INPP4B: variants seen among roughly 807,000 people sequenced by gnomAD.
INPP4B encodes the protein inositol polyphosphate 4-phosphatase type II.
INPP4B carries 55 observed loss-of-function variants against 122.5 expected under a neutral mutation model. The ratio of observed to expected loss-of-function variants is 0.45; its 90% confidence interval spans 0.36 to 0.56. The LOEUF is 0.56. Among genes scored for constraint, INPP4B ranks in the 20% least tolerant of loss-of-function variants. The pLI is 0.00. For missense variants in INPP4B, 1,000 were observed against 1,097.7 expected, an observed-to-expected ratio of 0.91 and a Z score of 1.26; for synonymous variants, 403 against 388.7, an observed-to-expected ratio of 1.04 and a Z score of -0.43.
chr4:142,127,767 C>T (rs1340993776), intron 18 of INPP4B, among the ~76,000 whole-genome samples: 1 of 152,064 alleles, frequency 6.6e-6, no homozygotes, highest in Non-Finnish European at 1.5e-5. Flanking sequence ...AGTGAAAAAG[C>T]TAAAAATACA....
intron 16 of INPP4B, 27 bp downstream of exon 16, chr4:142,173,605 C>A (rs779587924): frequency 8.2e-6 from 13 of 1,592,102 alleles, no homozygotes; most frequent in Non-Finnish European, 1.0e-5. Flanking sequence ...TTCATTTTCC[C>A]AACTATAGTG....
rs115758557 is a variant in INPP4B at position 142,238,463 on chromosome 4, T to C, written c.689-452A>G. ...TTTCTGAATTTCTTCTGATCACTTT[T>C]AGTCAACTTTACCTATTTACATAGC... On this transcript the variant is annotated intron_variant, in intron 11 of 25. Transcript: ENST00000262992. 5.1e-3 allele frequency among the ~76,000 whole-genome samples: 784 copies of C among 152,252 alleles called. 12 individuals carry two copies. Among genetic ancestry groups the C allele is most frequent in the African/African-American group, 0.018 (746 of 41,570 alleles).
At chr4:142,660,453 T>C (rs1296521464) in intron 2 of INPP4B, among the ~76,000 whole-genome samples, 2 of 152,050 alleles carry the variant, frequency 1.3e-5, no homozygotes, top group African/African-American at 4.8e-5. Context: ...TTCTTTTTAT[T>C]CCTTTCTCCT....
At chr4:142,641,843 A>G (rs55785946) in intron 2 of INPP4B, among the ~76,000 whole-genome samples, 4,286 of 152,298 alleles carry the variant, frequency 0.028, 75 homozygotes, top group Non-Finnish European at 0.041. Context: ...GAATCACCAC[A>G]CTGACTTCCA....
intron 2 of INPP4B, among the ~76,000 whole-genome samples, chr4:142,642,645 G>A (rs1187120087): frequency 6.6e-6 from 1 of 152,194 alleles, no homozygotes; most frequent in African/African-American, 2.4e-5. Context: ...TTTGGTACCA[G>A]TACCATGCTG....
chr4:142,290,103 C>T (rs113118865), intron 9 of INPP4B, among the ~76,000 whole-genome samples: 11 of 150,894 alleles, frequency 7.3e-5, no homozygotes, highest in African/African-American at 2.2e-4. Context: ...TGGCTCCAAG[C>T]TTTACTCAGA....
chr4:142,312,540 T>A (rs185139235), intron 8 of INPP4B, among the ~76,000 whole-genome samples: 5 of 152,246 alleles, frequency 3.3e-5, no homozygotes, highest in Non-Finnish European at 1.5e-5. Context: ...CTGGCACTCA[T>A]AGAAAGGATC....
intron 2 of INPP4B, among the ~76,000 whole-genome samples, chr4:142,602,027 G>A (rs1740116202): frequency 6.9e-6 from 1 of 145,924 alleles, no homozygotes; most frequent in East Asian, 2.0e-4. Context: ...GATCGGAGAA[G>A]AACTAAATAA....
intron 7 of INPP4B, among the ~76,000 whole-genome samples, chr4:142,343,916 C>A (rs1273618618): frequency 1.3e-5 from 2 of 151,956 alleles, no homozygotes; most frequent in African/African-American, 2.4e-5. Flanking sequence ...AAATTCAACA[C>A]AAAATTAGCA....
chr4:142,251,186 C>A (rs965042418), intron 11 of INPP4B, among the ~76,000 whole-genome samples: 2 of 152,084 alleles, frequency 1.3e-5, no homozygotes, highest in African/African-American at 4.8e-5. Context: ...AACCAATAAG[C>A]ATGACAAAAT....
intron 1 of INPP4B, among the ~76,000 whole-genome samples, chr4:142,815,149 T>A (rs1366683072): frequency 6.6e-6 from 1 of 152,106 alleles, no homozygotes; most frequent in Non-Finnish European, 1.5e-5. Context: ...TAGAGGGGTG[T>A]CCTACAAGAT....
chr4:142,700,283 T>C (rs1462991550), intron 2 of INPP4B, among the ~76,000 whole-genome samples: 1 of 152,192 alleles, frequency 6.6e-6, no homozygotes, highest in African/African-American at 2.4e-5. Context: ...TAATAAACTT[T>C]TTATTATTTA....
At chr4:142,122,346 A>C in intron 20 of INPP4B, 101 bp from the exon 21 acceptor site, 1 of 878,318 alleles carries the variant, frequency 1.1e-6, no homozygotes. Context: ...ATTTTATTGA[A>C]TGAGTTTCTG....
In INPP4B at chr4:142,097,225, T is replaced by TGTTATTTTATTTTATTTTA. The variant is rs1553969027; in HGVS notation, c.2374+10867_2374+10868insTAAAATAAAATAAAATAAC. Among the ~76,000 whole-genome samples the TGTTATTTTATTTTATTTTA allele has an allele frequency of 1.1e-3, 146 of 135,538 alleles. 1 individual carries two copies. The highest frequency in any genetic ancestry group is 3.6e-3 in the African/African-American group (128 of 35,276). The allele number at this position is 135,538 out of a possible 152,430, so 88.9% of individuals were successfully genotyped here. ...TCCATTTTTTGTTTATTTTATGTTA[T>TGTTATTTTATTTTATTTTA]TTTTATTTTATTTTATTTTATTTTA... On this transcript the variant is annotated intron_variant, in intron 23 of 25. Coordinates refer to ENST00000262992, the MANE Select transcript of INPP4B (RefSeq NM_001101669.3).
chr4:142,690,251 G>A (rs932195554), intron 2 of INPP4B, among the ~76,000 whole-genome samples: 2 of 152,158 alleles, frequency 1.3e-5, no homozygotes, highest in Non-Finnish European at 2.9e-5. Flanking sequence ...CCAACAAGGT[G>A]CTGTGCAGGT....
chr4:142,357,490 A>G (rs1478990814), intron 7 of INPP4B, among the ~76,000 whole-genome samples: 1 of 152,032 alleles, frequency 6.6e-6, no homozygotes, highest in East Asian at 1.9e-4. Flanking sequence ...CCATATATTT[A>G]CATGGCAATT....
Position 142,184,351 on chromosome 4 carries a change from G to A in INPP4B, c.1181+8736C>T, listed in dbSNP as rs187086404. ...GTATATTTTCCCTAGCTAGTGAGGT[G>A]CAAGGAAACACTAATGTTATACCTG... On this transcript the variant is annotated intron_variant, in intron 15 of 25. Transcript: ENST00000262992. 1.3e-3 allele frequency among the ~76,000 whole-genome samples: 197 copies of A among 152,274 alleles called. 1 individual carries two copies. The highest frequency in any genetic ancestry group is 4.6e-3 in the African/African-American group (191 of 41,550).
At chr4:142,045,136 G>C (rs938546139) in intron 25 of INPP4B, among the ~76,000 whole-genome samples, 2 of 152,084 alleles carry the variant, frequency 1.3e-5, no homozygotes, top group African/African-American at 4.8e-5. Context: ...TAATTTTAAA[G>C]CCCAATGTTA....
At chr4:142,532,538 CTG>C (rs1471950704) in intron 2 of INPP4B, among the ~76,000 whole-genome samples, 1 of 152,158 alleles carries the variant, frequency 6.6e-6, no homozygotes, top group Non-Finnish European at 1.5e-5. Flanking sequence ...TTCAACCAAT[CTG>C]TGTGATTATT....
Sources: gnomAD v4.1 joint callset for allele counts (sites outside exome capture counted in the v4.1 genomes callset) on GRCh38, gnomAD v4.1.1 for gene constraint, MANE v1.5 for transcripts, NCBI Gene and HGNC (gene_info 2026-07-23, HGNC 2026-07-21) for gene names.